ATP8B1: variants seen among roughly 807,000 people sequenced by gnomAD.
ATP8B1 encodes the protein ATPase phospholipid transporting 8B1, also known as phospholipid-transporting ATPase IC.
In ATP8B1, 80 loss-of-function variants were observed where a neutral mutation model predicts 149.9. The ratio of observed to expected loss-of-function variants is 0.53; its 90% CI spans 0.45 to 0.64. The LOEUF is 0.64. ATP8B1 is among the 30% of genes least tolerant of loss of function. The pLI is 0.00. For synonymous variants in ATP8B1, 536 were observed against 562.8 expected (o/e 0.95, Z 0.67); for missense variants, 1,247 against 1,552.6 (o/e 0.80, Z 3.31).
intron 2 of ATP8B1, among the ~76,000 whole-genome samples, chr18:57,719,553 G>A (rs373257620): frequency 7.2e-5 from 11 of 152,220 alleles, no homozygotes; most frequent in South Asian, 4.1e-4. Context: ...TTTTCAGACC[G>A]GCTTGAAAAA....
intron 1 of ATP8B1, among the ~76,000 whole-genome samples, chr18:57,746,041 T>C (rs970149238): frequency 2.6e-5 from 4 of 152,170 alleles, no homozygotes; most frequent in African/African-American, 9.6e-5. Context: ...GTAGGAAATG[T>C]TTTACAGTAT....
In ATP8B1 at chr18:57,652,116, G is replaced by A. The variant is rs140005450; in HGVS notation, c.3318C>T (p.Ser1106=). The change falls in exon 26 of 28, where the codon AGC becomes AGT. Residue 1106 remains serine (S), a synonymous_variant. Transcript: ENST00000648908. ...TFVNAFSIFG[S]IALYFGIMFD... is the part of the protein sequence containing the mutation. ...ACATGATGCCAAAATAAAGTGCAAT[G>A]CTTCCAAAAATTGAAAAAGCATTCA... The A allele has an allele frequency of 8.1e-6, 13 of 1,613,768 alleles. No homozygotes were observed. The highest frequency in any genetic ancestry group is 8.5e-7 in the Non-Finnish European group (1 of 1,179,778).
intron 1 of ATP8B1, among the ~76,000 whole-genome samples, chr18:57,757,117 ATTAG>A (rs1355225121): frequency 6.6e-6 from 1 of 152,110 alleles, no homozygotes; most frequent in Admixed American, 6.5e-5. Flanking sequence ...CTTTCCACTT[ATTAG>A]TTAGTAATCA....
At position 57,695,224 on chromosome 18, in the gene ATP8B1, C is replaced by T. The variant is rs757077093; in HGVS notation, c.887G>A (p.Arg296His). 1.9e-6 allele frequency: 3 copies of T among 1,614,040 alleles called. No individual in the cohort carries two copies. The highest frequency in any genetic ancestry group is 1.3e-5 in the African/African-American group (1 of 75,006). Residue 296 changes from arginine to histidine, a missense_variant, in exon 10 of 28, where the codon CGT becomes CAT. Arg to His is a conservative substitution (Grantham distance 29). This residue lies in a region of ATP8B1 where 853 missense variants were observed against 1,035.7 expected (regional missense o/e 0.82). Transcript: ENST00000648908. Reference protein sequence around the residue: ...FPLDADKILLRGCVIRNTDFC... With the variant: ...FPLDADKILLHGCVIRNTDFC... ...ATCGGTGTTCCTAATTACACAGCCA[C>T]GTAACAAAATTTTATCAGCATCCAA... is the stretch of plus-strand genomic sequence containing the variant.
At chr18:57,676,055 A>G (rs1425348714) in intron 15 of ATP8B1, among the ~76,000 whole-genome samples, 1 of 152,238 alleles carries the variant, frequency 6.6e-6, no homozygotes, top group Non-Finnish European at 1.5e-5. Flanking sequence ...ATACTGAGCC[A>G]GAGAACACTG....
rs781213892 is a variant in ATP8B1, at chr18:57,652,705, G to A, written c.3040C>T (p.Arg1014Ter). 1.2e-6 allele frequency: 2 copies of A among 1,614,092 alleles called. No homozygotes were observed. Among genetic ancestry groups the A allele is most frequent in the South Asian group, 1.1e-5 (1 of 91,076 alleles). The change falls in exon 25 of 28, where the codon CGA (arginine) becomes TGA (stop). Residue 1014 changes from arginine (R) to a stop codon, truncating the protein, a stop_gained. Coordinates refer to ENST00000648908, the MANE Select transcript of ATP8B1 (RefSeq NM_001374385.1). LOFTEE classifies it high-confidence loss of function. ...CCCACTATGTATAACCCAGGGAATC[G>A]GAGGCTCAGTTTGTCACTCACATCC... ...DQDVSDKLSL[R>*]FPGLYIVGQR...
intron 1 of ATP8B1, among the ~76,000 whole-genome samples, chr18:57,788,336 A>G (rs939674399): frequency 6.6e-6 from 1 of 152,040 alleles, no homozygotes; most frequent in Non-Finnish European, 1.5e-5. Flanking sequence ...GGAGGATCAC[A>G]TGAGGCCAGG....
At chr18:57,783,610 T>C (rs542441210) in intron 1 of ATP8B1, among the ~76,000 whole-genome samples, 1 of 152,038 alleles carries the variant, frequency 6.6e-6, no homozygotes. Flanking sequence ...CCAAGGCAGG[T>C]GGATCACTTG....
chr18:57,680,233 C>T (rs1388674841), intron 15 of ATP8B1, among the ~76,000 whole-genome samples: 4 of 119,226 alleles, frequency 3.4e-5, no homozygotes, highest in Non-Finnish European at 4.9e-5. Context: ...GCCAAGATTG[C>T]GGCACTGTAC....
In ATP8B1 at chr18:57,672,926, ATAT is replaced by A. The variant is rs1568189381; in HGVS notation, c.1820-1349_1820-1347del. On this transcript the variant is annotated intron_variant, in intron 16 of 27. Coordinates refer to ENST00000648908, the MANE Select transcript of ATP8B1 (RefSeq NM_001374385.1). ...TATATATATATATATATATATATAT[ATAT>A]ATAACATGTATATACACATATATAC... is the stretch of plus-strand genomic sequence containing the variant. Among the ~76,000 whole-genome samples, 15 of 46,604 alleles carry A rather than the reference ATAT, an allele frequency of 3.2e-4. 2 individuals are homozygous for A. The highest frequency in any genetic ancestry group is 1.4e-3 in the East Asian group (1 of 692). The allele number at this position is 46,604 out of a possible 152,430, so 30.6% of individuals were successfully genotyped here.
At chr18:57,758,207 T>C (rs1457869427) in intron 1 of ATP8B1, among the ~76,000 whole-genome samples, 1 of 152,032 alleles carries the variant, frequency 6.6e-6, no homozygotes, top group East Asian at 1.9e-4. Flanking sequence ...ATTAACAGGC[T>C]CCCCAAAGCC....
intron 27 of ATP8B1, among the ~76,000 whole-genome samples, chr18:57,649,477 TG>T (rs1909456963): frequency 6.6e-6 from 1 of 152,122 alleles, no homozygotes; most frequent in Non-Finnish European, 1.5e-5. Context: ...GCCTCTTTCC[TG>T]GGTTGTTACT....
chr18:57,701,391 CT>C (rs1195681214), intron 4 of ATP8B1, 78 bp from the exon 5 acceptor site: 26 of 1,264,744 alleles, frequency 2.1e-5, no homozygotes, highest in Non-Finnish European at 2.9e-5. Context: ...TAATTCTAAG[CT>C]TGCTAATTCC....
intron 1 of ATP8B1, among the ~76,000 whole-genome samples, chr18:57,768,470 C>T (rs1379389752): frequency 2.1e-5 from 3 of 143,928 alleles, no homozygotes; most frequent in Non-Finnish European, 4.5e-5. Context: ...ATCCTAGAAT[C>T]ATACCTATTC....
At chr18:57,671,041 C>A (rs117569865) in intron 17 of ATP8B1, among the ~76,000 whole-genome samples, 8 of 152,224 alleles carry the variant, frequency 5.3e-5, no homozygotes, top group African/African-American at 1.7e-4. Flanking sequence ...CTTGGCTAGA[C>A]AAGATGTGAC....
chr18:57,732,631 C>T (rs540014856), intron 1 of ATP8B1, among the ~76,000 whole-genome samples: 42 of 152,016 alleles, frequency 2.8e-4, no homozygotes, highest in African/African-American at 1.0e-3. Context: ...GGCACGATCT[C>T]GGCTCACTGT....
chr18:57,715,689 C>A (rs1052406768), intron 2 of ATP8B1, among the ~76,000 whole-genome samples: 1 of 152,110 alleles, frequency 6.6e-6, no homozygotes, highest in African/African-American at 2.4e-5. Flanking sequence ...TCAGTGGAAA[C>A]CTTATAGGCC....
chr18:57,697,848 T>C lies in ATP8B1; in HGVS notation c.574A>G (p.Lys192Glu). 6.2e-7 allele frequency: 1 copy of C among 1,613,894 alleles called. No homozygotes were observed. Among genetic ancestry groups the C allele is most frequent in the Non-Finnish European group, 8.5e-7 (1 of 1,179,794 alleles). ...ATGACGTCTCCAACTTGAATTTCTT[T>C]CCACTTAGCAACTTTGAACCTAAGG... ...KDGRFKVAKW[K>E]EIQVGDVIRL... is the part of the protein sequence containing the mutation. Residue 192 changes from lysine (K) to glutamate (E), a missense_variant, in exon 7 of 28, where the codon AAA (lysine) becomes GAA (glutamate). By Grantham distance (56) the Lys-to-Glu change is moderately conservative (BLOSUM62 1). Coordinates refer to ENST00000648908, the MANE Select transcript of ATP8B1 (RefSeq NM_001374385.1).
In ATP8B1 at chr18:57,684,055, GA is replaced by G; in HGVS notation, c.1610del (p.Val537AlafsTer23). The G allele has an allele frequency of 6.2e-7, 1 of 1,614,126 alleles. No individual in the cohort carries two copies. Among genetic ancestry groups the G allele is most frequent in the Non-Finnish European group, 8.5e-7 (1 of 1,180,040 alleles). The stretch of plus-strand genomic sequence containing the variant: ...ACTCACCATCAGTCCTATCCACCAT[GA>G]CTGTGTGGCAAACTGCGAGCAAGAA... Reference protein sequence around the residue: ...FFFLLAVCHTVMVDRTDGQLN... With the variant: ...FFFLLAVCHTXMVDRTDGQLN... On this transcript the variant is annotated frameshift_variant, in exon 15 of 28. Coordinates refer to ENST00000648908, the MANE Select transcript of ATP8B1 (RefSeq NM_001374385.1). LOFTEE classifies it high-confidence loss of function.
Sources: allele counts gnomAD v4.1 joint callset (sites outside exome capture counted in the v4.1 genomes callset), GRCh38; gene constraint gnomAD v4.1.1; regional missense constraint gnomAD v4.1.1; transcripts MANE v1.5; gene names NCBI Gene and HGNC (gene_info 2026-07-23, HGNC 2026-07-21).